STX8: variants seen among roughly 807,000 people sequenced by gnomAD.
The protein encoded by STX8 is syntaxin 8.
Under a neutral mutation model 37.5 loss-of-function variants are expected in STX8, and 23 were observed. The ratio of observed to expected loss-of-function variants is 0.61; its 90% CI spans 0.44 to 0.87. STX8 has a LOEUF of 0.87. STX8 is among the 40% of genes least tolerant of loss of function. The probability of loss-of-function intolerance (pLI) is 0.00; values close to 1 mark genes in which losing one functional copy is unlikely to be tolerated. For missense variants in STX8, 313 were observed against 284.7 expected, an observed-to-expected ratio of 1.10 and a Z score of -0.71; for synonymous variants, 115 against 99.1, an observed-to-expected ratio of 1.16 and a Z score of -0.95.
chr17:9,504,940 C>T (rs1904763572), intron 5 of STX8, 98 bp downstream of exon 5: 3 of 1,301,560 alleles, frequency 2.3e-6, no homozygotes, highest in Non-Finnish European at 2.0e-6. Flanking sequence ...CGCCACTGCA[C>T]TCCAGCCTAG....
chr17:9,254,489 G>A (rs536419771), intron 7 of STX8, among the ~76,000 whole-genome samples: 156 of 152,028 alleles, frequency 1.0e-3, no homozygotes, highest in Non-Finnish European at 2.0e-3. Flanking sequence ...TCCGCCTCCT[G>A]GGTTCAAGCA....
chr17:9,393,957 C>A (rs1912313446), intron 6 of STX8, among the ~76,000 whole-genome samples: 1 of 152,084 alleles, frequency 6.6e-6, no homozygotes, highest in Admixed American at 6.5e-5. Context: ...GAACAACAAA[C>A]ACAGTCAATT....
intron 7 of STX8, among the ~76,000 whole-genome samples, chr17:9,330,873 T>C (rs1411916545): frequency 6.6e-6 from 1 of 151,820 alleles, no homozygotes; most frequent in Non-Finnish European, 1.5e-5. Context: ...CGCTTACATC[T>C]TCAGAGAACC....
chr17:9,419,281 C>T (rs570192034), intron 6 of STX8, among the ~76,000 whole-genome samples: 4 of 151,510 alleles, frequency 2.6e-5, no homozygotes, highest in African/African-American at 7.3e-5. Flanking sequence ...ATGTTGAGAT[C>T]GCCCAAGGTG....
Position 9,376,273 on chromosome 17 carries a change from CTG to C in STX8, c.643+2277_643+2278del, listed in dbSNP as rs1423739748. Among the ~76,000 whole-genome samples the C allele has an allele frequency of 2.0e-5, 3 of 152,018 alleles. No individual in the cohort carries two copies. In the East Asian group the frequency reaches 5.8e-4, roughly 29 times the overall value. On this transcript the variant is annotated intron_variant, in intron 7 of 7. Transcript: ENST00000306357. ...TGTAAAAAATGCCCCAATCAGCGCT[CTG>C]TGTCTAGACAAAGGTTTATAAACAC...
chr17:9,273,952 G>C (rs1276750834), intron 7 of STX8, among the ~76,000 whole-genome samples: 2 of 152,128 alleles, frequency 1.3e-5, no homozygotes, highest in Non-Finnish European at 2.9e-5. Context: ...TTCTTTTCCA[G>C]TCTTGTTGAA....
intron 7 of STX8, among the ~76,000 whole-genome samples, chr17:9,341,996 C>T (rs1167910973): frequency 6.6e-6 from 1 of 152,146 alleles, no homozygotes; most frequent in Non-Finnish European, 1.5e-5. Context: ...CAGCCATCCC[C>T]AACCTTTTTG....
intron 7 of STX8, among the ~76,000 whole-genome samples, chr17:9,273,974 A>G (rs1907564049): frequency 6.6e-6 from 1 of 152,216 alleles, no homozygotes. Flanking sequence ...GGTACTGAAT[A>G]TAAGATTAGA....
intron 6 of STX8, among the ~76,000 whole-genome samples, chr17:9,475,535 G>A (rs1004401320): frequency 3.9e-5 from 6 of 152,144 alleles, no homozygotes; most frequent in African/African-American, 7.2e-5. Flanking sequence ...GCAGTCTGCA[G>A]TACTTGCCCC....
intron 6 of STX8, among the ~76,000 whole-genome samples, chr17:9,408,692 CT>C (rs914226081): frequency 4.9e-4 from 74 of 152,278 alleles, no homozygotes; most frequent in African/African-American, 1.5e-3. Context: ...GACAGGTTAA[CT>C]TTTTTCTTTA....
At chr17:9,447,743 T>A (rs533916662) in intron 6 of STX8, among the ~76,000 whole-genome samples, 3 of 152,156 alleles carry the variant, frequency 2.0e-5, no homozygotes, top group African/African-American at 7.2e-5. Context: ...TTTAAAGCAA[T>A]CTTCATACCA....
chr17:9,326,126 T>C (rs559096885), intron 7 of STX8, among the ~76,000 whole-genome samples: 411 of 145,218 alleles, frequency 2.8e-3, no homozygotes, highest in Non-Finnish European at 4.8e-3. Flanking sequence ...TCTTCCCTGT[T>C]TCCTTTTTTT....
At chr17:9,460,371 T>C (rs914146754) in intron 6 of STX8, among the ~76,000 whole-genome samples, 2 of 152,120 alleles carry the variant, frequency 1.3e-5, no homozygotes, top group African/African-American at 4.8e-5. Flanking sequence ...TGAATATCTT[T>C]TTAAAAAATT....
chr17:9,535,608 A>AT (rs1434808219), intron 4 of STX8, among the ~76,000 whole-genome samples: 1 of 150,960 alleles, frequency 6.6e-6, no homozygotes, highest in Non-Finnish European at 1.5e-5. Context: ...AATTTTTTGT[A>AT]TTTTTAGTAG....
At chr17:9,449,444 C>G (rs559850296) in intron 6 of STX8, among the ~76,000 whole-genome samples, 9 of 152,178 alleles carry the variant, frequency 5.9e-5, no homozygotes, top group Non-Finnish European at 1.3e-4. Context: ...CCTGTAGTCC[C>G]AGCTACTCGG....
At chr17:9,257,524 T>C (rs562483513) in intron 7 of STX8, among the ~76,000 whole-genome samples, 75 of 152,208 alleles carry the variant, frequency 4.9e-4, no homozygotes, top group African/African-American at 1.8e-3. Flanking sequence ...TGGATCTCTG[T>C]GTTGGCCACT....
chr17:9,331,844 C>A (rs1425160306), intron 7 of STX8, among the ~76,000 whole-genome samples: 1 of 151,886 alleles, frequency 6.6e-6, no homozygotes, highest in Non-Finnish European at 1.5e-5. Context: ...CCAGCAACGT[C>A]TGGCAGACAA....
chr17:9,351,174 GTCTT>G (rs1433215252), intron 7 of STX8, among the ~76,000 whole-genome samples: 1 of 128,700 alleles, frequency 7.8e-6, no homozygotes, highest in Non-Finnish European at 1.7e-5. Flanking sequence ...TGATTTCCTT[GTCTT>G]TTTTTTTTTT....
intron 6 of STX8, among the ~76,000 whole-genome samples, chr17:9,409,693 A>C (rs1198459015): frequency 6.6e-6 from 1 of 152,146 alleles, no homozygotes; most frequent in East Asian, 1.9e-4. Flanking sequence ...CTAGTAATGT[A>C]ATGCAGGCAA....
Sources: allele counts gnomAD v4.1 joint callset (sites outside exome capture counted in the v4.1 genomes callset), GRCh38; gene constraint gnomAD v4.1.1; transcripts MANE v1.5; gene names NCBI Gene and HGNC (gene_info 2026-07-23, HGNC 2026-07-21).